Variants in SLC15A2 observed in about 807,000 individuals in gnomAD.
The protein encoded by SLC15A2 is solute carrier family 15 member 2, also known as kidney H(+)/peptide cotransporter.
SLC15A2 carries 77 observed loss-of-function variants against 95.5 expected under a neutral mutation model. That is an observed-to-expected ratio of 0.81 (90% CI 0.67 to 0.97). SLC15A2 has a LOEUF of 0.97. Ranked by LOEUF, SLC15A2 falls within the 50% of genes least tolerant of loss-of-function variation. The pLI, the probability that SLC15A2 is intolerant of heterozygous loss-of-function variation, is 0.00. For missense variants in SLC15A2, 893 were observed against 874.4 expected (o/e 1.02, Z -0.27); for synonymous variants, 306 against 306.9 (o/e 1.00, Z 0.03).
chr3:121,897,449 A>G lies in SLC15A2; in HGVS notation c.255A>G (p.Ile85Met). ...LHWNEDTSTS[I>M]YHAFSSLCYF... is the part of the protein sequence containing the mutation. ...GGAATGAAGATACCTCCACATCTATATACCATGCCTTCAGCAGCCTCTGTT... is the reference window on the plus strand; with the variant it reads ...GGAATGAAGATACCTCCACATCTATGTACCATGCCTTCAGCAGCCTCTGTT... Residue 85 changes from isoleucine (I) to methionine (M), a missense_variant, in exon 3 of 22, where the codon ATA (isoleucine) becomes ATG (methionine). Physicochemically the swap from Ile to Met is conservative, Grantham distance 10. Transcript: ENST00000489711. 6.2e-7 allele frequency: 1 copy of G among 1,613,914 alleles called. No individual in the cohort carries two copies. Among genetic ancestry groups the G allele is most frequent in the African/African-American group, 1.3e-5 (1 of 74,944 alleles).
intron 5 of SLC15A2, among the ~76,000 whole-genome samples, chr3:121,913,979 C>T (rs919251385): frequency 2.0e-5 from 3 of 150,644 alleles, no homozygotes; most frequent in African/African-American, 7.3e-5. Flanking sequence ...CTCTCTCTTT[C>T]CTCTTCCCTC....
In SLC15A2 at chr3:121,941,227, G is replaced by A. The variant is rs1710459552; in HGVS notation, c.*220G>A. On this transcript the variant is annotated 3_prime_UTR_variant, in exon 22 of 22. Coordinates refer to ENST00000489711, the MANE Select transcript of SLC15A2 (RefSeq NM_021082.4). ...TCCATCAGTGAACTCATTAAAACTTGTGCAGTGTTGCTGGAGCTGGCCTGG... is the reference window on the plus strand; with the variant it reads ...TCCATCAGTGAACTCATTAAAACTTATGCAGTGTTGCTGGAGCTGGCCTGG... 1 of 430,508 alleles carries A rather than the reference G, an allele frequency of 2.3e-6. No individual in the cohort carries two copies. Among genetic ancestry groups the A allele is most frequent in the South Asian group, 5.0e-5 (1 of 19,920 alleles). The allele number at this position is 430,508 out of a possible 1,614,324, so 26.7% of individuals were successfully genotyped here.
At position 121,928,949 on chromosome 3, in the gene SLC15A2, C is replaced by T. The variant is rs183679608; in HGVS notation, c.1342-33C>T. 539 of 1,605,426 alleles carry T rather than the reference C, an allele frequency of 3.4e-4. 1 individual carries two copies. The highest frequency in any genetic ancestry group is 4.1e-4 in the Non-Finnish European group (486 of 1,175,082). On this transcript the variant is annotated intron_variant, in intron 15 of 21. Transcript: ENST00000489711. Reference sequence around the variant, plus strand: ...TGTCCAATATGCAGTAGAAGGTGTACGTGACCTTCATTTTATATTCTTCAT... The same window carrying T: ...TGTCCAATATGCAGTAGAAGGTGTATGTGACCTTCATTTTATATTCTTCAT...
chr3:121,922,431 C>A, intron 8 of SLC15A2, 129 bp downstream of exon 8: 1 of 687,420 alleles, frequency 1.5e-6, no homozygotes, highest in Non-Finnish European at 2.4e-6. Flanking sequence ...TGTTTTTTAA[C>A]AAGCTAAGAT....
chr3:121,931,941 G>T (rs186890141), intron 19 of SLC15A2, among the ~76,000 whole-genome samples: 1 of 151,894 alleles, frequency 6.6e-6, no homozygotes, highest in Middle Eastern at 3.2e-3. Flanking sequence ...CTCTCATCGC[G>T]CAGGCTGGAG....
chr3:121,911,672 T>G lies in SLC15A2; in HGVS notation c.428+6T>G. The G allele has an allele frequency of 1.9e-6, 3 of 1,574,964 alleles. No individual in the cohort carries two copies. Among genetic ancestry groups the G allele is most frequent in the Non-Finnish European group, 2.6e-6 (3 of 1,144,582 alleles). ...GGAGGACAAGTGGTACACACGTGAG[T>G]AAAATCATGGAATCAACTAAACTAC... On this transcript the variant is annotated splice_donor_region_variant and intron_variant, in intron 4 of 21. Transcript: ENST00000489711.
intron 3 of SLC15A2, among the ~76,000 whole-genome samples, chr3:121,901,378 A>C (rs1709517260): frequency 6.6e-6 from 1 of 152,196 alleles, no homozygotes; most frequent in Admixed American, 6.5e-5. Flanking sequence ...CCCACAGTAA[A>C]TCTTCGAATT....
chr3:121,941,146 G>A lies in SLC15A2; in HGVS notation c.*139G>A. ...CCTTTCTCCAATGACAGAAGTTCCA[G>A]GACTGGTTTTCCAGTACATCTTTAA... On this transcript the variant is annotated 3_prime_UTR_variant, in exon 22 of 22. Coordinates refer to ENST00000489711, the MANE Select transcript of SLC15A2 (RefSeq NM_021082.4). The A allele has an allele frequency of 1.3e-6, 1 of 748,692 alleles. No individual in the cohort carries two copies. Among genetic ancestry groups the A allele is most frequent in the Non-Finnish European group, 2.1e-6 (1 of 472,756 alleles). 46.4% of individuals were successfully genotyped at this position (748,692 alleles called of 1,614,324 possible).
chr3:121,899,106 T>G (rs1576667493), intron 3 of SLC15A2, among the ~76,000 whole-genome samples: 1 of 152,186 alleles, frequency 6.6e-6, no homozygotes, highest in East Asian at 1.9e-4. Context: ...CATACCACTT[T>G]TATTTATTTT....
chr3:121,922,975 C>T, intron 9 of SLC15A2, 65 bp from the exon 10 acceptor site: 1 of 1,575,664 alleles, frequency 6.3e-7, no homozygotes, highest in South Asian at 1.1e-5. Flanking sequence ...GACACTTCTA[C>T]TTTAAGCAAG....
At chr3:121,933,939 A>G (rs1168715796) in intron 19 of SLC15A2, among the ~76,000 whole-genome samples, 110 of 151,094 alleles carry the variant, frequency 7.3e-4, no homozygotes, top group African/African-American at 2.5e-3. Flanking sequence ...TGATTTTTGT[A>G]TAAGGTGTAA....
At chr3:121,915,843 G>A (rs1199842430) in intron 7 of SLC15A2, 150 bp downstream of exon 7, 5 of 554,438 alleles carry the variant, frequency 9.0e-6, no homozygotes, top group East Asian at 5.7e-5. Flanking sequence ...CTCAATTTTG[G>A]AGGTAAATTC....
In SLC15A2 at chr3:121,932,390, T is replaced by C. The variant is rs537105018; in HGVS notation, c.1761+655T>C. Among the ~76,000 whole-genome samples the C allele has an allele frequency of 1.1e-4, 16 of 152,340 alleles. No homozygotes were observed. In the South Asian group the frequency reaches 3.3e-3, roughly 32 times the overall value. On this transcript the variant is annotated intron_variant, in intron 19 of 21. Transcript: ENST00000489711. ...CAAGTTATTTATGAAAAAGTACTAA[T>C]GTCTTCTTGGCCAGCTTCATATGCA...
chr3:121,937,108 C>T (rs1397631775), intron 19 of SLC15A2, among the ~76,000 whole-genome samples: 2 of 115,706 alleles, frequency 1.7e-5, no homozygotes, highest in African/African-American at 6.7e-5. Flanking sequence ...TCTCTTCTGG[C>T]TTGTAGGGTT....
rs758480525 is a variant in SLC15A2, at chr3:121,929,284, T to A, written c.1507-18T>A. On this transcript the variant is annotated intron_variant, in intron 16 of 21. Transcript: ENST00000489711. ...TATTTCATCAGCTGTTACTGATTTT[T>A]ACTTTCCTCTGTTGTAGGTAAAGGA... 5 of 1,613,590 alleles carry A rather than the reference T, an allele frequency of 3.1e-6. No homozygotes were observed. The South Asian group carries it at 4.4e-5, about 14-fold the overall frequency.
chr3:121,915,356 T>A lies in SLC15A2; in HGVS notation c.619+39T>A, dbSNP rs1427979729. 2.8e-6 allele frequency: 4 copies of A among 1,406,972 alleles called. No individual in the cohort carries two copies. The Admixed American group carries it at 6.7e-5, about 24-fold the overall frequency. 87.2% of individuals were successfully genotyped at this position (1,406,972 alleles called of 1,614,324 possible). ...TGAGGGGCCCTGTATAAGGCTTTGC[T>A]CTGGTCAGCCAAAAAGCTGTTCAAG... On this transcript the variant is annotated intron_variant, in intron 6 of 21. Transcript: ENST00000489711.
intron 1 of SLC15A2, 30 bp downstream of exon 1, chr3:121,894,611 A>C (rs1180989946): frequency 6.5e-7 from 1 of 1,549,100 alleles, no homozygotes; most frequent in Admixed American, 1.7e-5. Context: ...CCTGCCTCTG[A>C]GAGGAATGGC....
chr3:121,929,174 A>T (rs371965942), intron 16 of SLC15A2, 28 bp downstream of exon 16: 39 of 1,606,026 alleles, frequency 2.4e-5, no homozygotes, highest in Non-Finnish European at 3.1e-5. Context: ...CTGTGTTTTC[A>T]GTTGTCATCT....
Position 121,929,115 on chromosome 3 carries a change from G to C in SLC15A2, c.1475G>C (p.Arg492Pro), listed in dbSNP as rs139931241. Residue 492 changes from arginine (R) to proline (P), a missense_variant, in exon 16 of 22, where the codon CGT (arginine) becomes CCT (proline). Transcript: ENST00000489711. ...AAGAACTGGTACAGTCTTGTCATTC[G>C]TGAAGATGGGAACAGTATCTCCAGC... is the stretch of plus-strand genomic sequence containing the variant. ...QEKNWYSLVIREDGNSISSMM... is the reference protein window; with the variant it reads ...QEKNWYSLVIPEDGNSISSMM... 6 of 1,613,622 alleles carry C rather than the reference G, an allele frequency of 3.7e-6. No individual in the cohort carries two copies. The highest frequency in any genetic ancestry group is 5.1e-6 in the Non-Finnish European group (6 of 1,179,780).
Sources: gnomAD v4.1 joint callset for allele counts (sites outside exome capture counted in the v4.1 genomes callset) on GRCh38, gnomAD v4.1.1 for gene constraint, MANE v1.5 for transcripts, NCBI Gene and HGNC (gene_info 2026-07-23, HGNC 2026-07-21) for gene names.